The following XXYLT1 variants were observed in gnomAD, a reference collection of about 807,000 sequenced individuals.
The protein encoded by XXYLT1 is UDP-xylose:alpha-xyloside alpha-1,3-xylosyltransferase.
XXYLT1 carries 20 observed loss-of-function variants against 28.9 expected under a neutral mutation model. The ratio of observed to expected loss-of-function variants is 0.69; its 90% CI spans 0.49 to 1.00. The LOEUF (loss-of-function observed/expected upper bound fraction) is 1.00. Ranked by LOEUF, XXYLT1 falls within the 50% of genes least tolerant of loss-of-function variation. The pLI is 0.00. For synonymous variants in XXYLT1, 257 were observed against 253.8 expected, an observed-to-expected ratio of 1.01 and a Z score of -0.12; for missense variants, 542 against 560.1, an observed-to-expected ratio of 0.97 and a Z score of 0.33.
intron 3 of XXYLT1, among the ~76,000 whole-genome samples, chr3:195,146,520 C>T (rs1258887435): frequency 6.6e-6 from 1 of 152,196 alleles, no homozygotes; most frequent in African/African-American, 2.4e-5. Flanking sequence ...TACTGCATAG[C>T]CAAACCCTCG....
At chr3:195,232,039 T>G (rs1724322238) in intron 1 of XXYLT1, among the ~76,000 whole-genome samples, 1 of 152,134 alleles carries the variant, frequency 6.6e-6, no homozygotes, top group Non-Finnish European at 1.5e-5. Context: ...GCTAGGAGAC[T>G]TATTATGGCT....
intron 2 of XXYLT1, among the ~76,000 whole-genome samples, chr3:195,215,822 C>T (rs1189281443): frequency 6.6e-6 from 1 of 152,178 alleles, no homozygotes; most frequent in African/African-American, 2.4e-5. Context: ...CCAAGCGGAC[C>T]TAATAGACAT....
intron 2 of XXYLT1, among the ~76,000 whole-genome samples, chr3:195,222,458 C>A (rs141509104): frequency 6.6e-6 from 1 of 152,276 alleles, no homozygotes; most frequent in Non-Finnish European, 1.5e-5. Flanking sequence ...CTGTGTGAGT[C>A]GACAACCCTG....
rs1275230408 is a variant in XXYLT1, at chr3:195,078,015, G to T, written c.786-7904C>A. On this transcript the variant is annotated intron_variant, in intron 3 of 3. Coordinates refer to ENST00000310380, the MANE Select transcript of XXYLT1 (RefSeq NM_152531.5). This position sits in a 1 kb window ranked among gnomAD's most constrained non-coding sequence, Gnocchi z 5.0. ...AGCCCCGGAGCCTCGGCCCTGGGAG[G>T]GGCAAGGGACAGAGATGAGGGGGAA... Among the ~76,000 whole-genome samples the T allele has an allele frequency of 1.3e-5, 2 of 152,176 alleles. No homozygotes were observed. The highest frequency in any genetic ancestry group is 4.8e-5 in the African/African-American group (2 of 41,460).
At chr3:195,143,524 A>G (rs1470701130) in intron 3 of XXYLT1, among the ~76,000 whole-genome samples, 1 of 152,132 alleles carries the variant, frequency 6.6e-6, no homozygotes, top group Non-Finnish European at 1.5e-5. Context: ...AACAAAACAC[A>G]GAACCATCAG....
intron 3 of XXYLT1, among the ~76,000 whole-genome samples, chr3:195,128,074 G>A (rs9830280): frequency 0.035 from 5,394 of 152,222 alleles, 170 homozygotes; most frequent in East Asian, 0.15. Flanking sequence ...ATGAGGACCT[G>A]TAACCTGCAA....
intron 3 of XXYLT1, among the ~76,000 whole-genome samples, chr3:195,073,148 T>C (rs1714921875): frequency 6.6e-6 from 1 of 152,220 alleles, no homozygotes; most frequent in Admixed American, 6.5e-5. Context: ...CCCTTTGATC[T>C]GACTGCCTCG....
At position 195,190,517 on chromosome 3, in the gene XXYLT1, AAAC is replaced by A. The variant is rs1488151708; in HGVS notation, c.653-33939_653-33937del. The stretch of plus-strand genomic sequence containing the variant: ...TCAAAAAAAAAAAAAAAAAAAAAAA[AAAC>A]TAAATGAAATCCTTCAGGCTGAAAG... On this transcript the variant is annotated intron_variant, in intron 2 of 3. Transcript: ENST00000310380. 3.2e-4 allele frequency among the ~76,000 whole-genome samples: 47 copies of A among 149,068 alleles called. No homozygotes were observed. In the East Asian group the frequency reaches 7.2e-3, roughly 23 times the overall value.
chr3:195,259,029 A>C (rs144098304), intron 1 of XXYLT1, among the ~76,000 whole-genome samples: 234 of 152,314 alleles, frequency 1.5e-3, no homozygotes, highest in African/African-American at 5.4e-3. Flanking sequence ...TTCCGGTACC[A>C]TTATTAGCAG....
rs370261697 is a variant in XXYLT1, at chr3:195,069,962, G to A, written c.935C>T (p.Pro312Leu). 9 of 1,611,436 alleles carry A rather than the reference G, an allele frequency of 5.6e-6. No individual in the cohort carries two copies. The highest frequency in any genetic ancestry group is 3.3e-5 in the South Asian group (3 of 91,062). ...QSPLYSRLLE[P>L]AQVQQLADKY... ...GTCGGCCAGCTGCTGCACCTGCGCC[G>A]GCTCCAGCAGGCGGCTGTAGAGCGG... The change falls in exon 4 of 4, where the codon CCG (proline) becomes CTG (leucine). Residue 312 changes from proline to leucine, a missense_variant. Transcript: ENST00000310380.
At chr3:195,140,630 GGAGAGAGAGTGA>G (rs11276544) in intron 3 of XXYLT1, among the ~76,000 whole-genome samples, 54,105 of 151,148 alleles carry the variant, frequency 0.36, 10,606 homozygotes, top group East Asian at 0.83. Flanking sequence ...CATGGCAGCA[GGAGAGAGAGTGA>G]GAGAGAGAGT....
chr3:195,223,735 G>A (rs1723926736), intron 2 of XXYLT1, among the ~76,000 whole-genome samples: 1 of 152,154 alleles, frequency 6.6e-6, no homozygotes. Flanking sequence ...TGCCAGGCCA[G>A]ACTTCCTGGC....
chr3:195,082,306 G>A (rs59586186), intron 3 of XXYLT1, among the ~76,000 whole-genome samples: 4 of 152,280 alleles, frequency 2.6e-5, no homozygotes, highest in African/African-American at 9.6e-5. Flanking sequence ...AAATAGGGGT[G>A]ATGAGTCTCA....
chr3:195,242,909 C>T (rs1015864004), intron 1 of XXYLT1, among the ~76,000 whole-genome samples: 1 of 152,200 alleles, frequency 6.6e-6, no homozygotes, highest in African/African-American at 2.4e-5. Context: ...AGCTTGCTGG[C>T]CCAGCCCTTC....
Position 195,076,495 on chromosome 3 carries a change from C to T in XXYLT1, c.786-6384G>A, listed in dbSNP as rs1286407453. 1.3e-5 allele frequency among the ~76,000 whole-genome samples: 2 copies of T among 152,146 alleles called. No homozygotes were observed. Among genetic ancestry groups the T allele is most frequent in the Non-Finnish European group, 2.9e-5 (2 of 68,030 alleles). On this transcript the variant is annotated intron_variant, in intron 3 of 3. Transcript: ENST00000310380. The surrounding 1 kb of genome is among the most constrained non-coding windows in gnomAD (Gnocchi z 5.3). ...AAGCCAAGCATTCTGGAGAGTTGCC[C>T]CTGTTACAGCCTGCACAGTGGGCCT...
At chr3:195,083,784 G>A (rs1715570437) in intron 3 of XXYLT1, among the ~76,000 whole-genome samples, 1 of 152,194 alleles carries the variant, frequency 6.6e-6, no homozygotes, top group Non-Finnish European at 1.5e-5. Flanking sequence ...CCAGCACTTT[G>A]GGAGGCCGAG....
At chr3:195,175,976 C>T (rs1577110514) in intron 2 of XXYLT1, 1 of 1,230,696 alleles carries the variant, frequency 8.1e-7, no homozygotes, top group East Asian at 3.4e-5. Context: ...GCCTTACTAA[C>T]ACAGAGGTCA....
Position 195,076,531 on chromosome 3 carries a change from TA to T in XXYLT1, c.786-6421del. On this transcript the variant is annotated intron_variant, in intron 3 of 3. Coordinates refer to ENST00000310380, the MANE Select transcript of XXYLT1 (RefSeq NM_152531.5). This position sits in a 1 kb window ranked among gnomAD's most constrained non-coding sequence, Gnocchi z 5.3. The stretch of plus-strand genomic sequence containing the variant: ...CTGCACAGTGGGCCTCATTTTTACC[TA>T]AAGACCACTGGGCTCTGTTAGTTCG... Among the ~76,000 whole-genome samples, 1 of 152,230 alleles carries T rather than the reference TA, an allele frequency of 6.6e-6. No individual in the cohort carries two copies. The highest frequency in any genetic ancestry group is 1.9e-4 in the East Asian group (1 of 5,160).
At position 195,256,961 on chromosome 3, in the gene XXYLT1, A is replaced by G. The variant is rs1041321037; in HGVS notation, c.504+13594T>C. On this transcript the variant is annotated intron_variant, in intron 1 of 3. Coordinates refer to ENST00000310380, the MANE Select transcript of XXYLT1 (RefSeq NM_152531.5). This position sits in a 1 kb window ranked among gnomAD's most constrained non-coding sequence, Gnocchi z 4.2. ...CCCCTTGTACCTCCCAAGGGCCAGC[A>G]TCAGCATTTCTTCATGGTAATGCAA... Among the ~76,000 whole-genome samples, 2 of 152,190 alleles carry G rather than the reference A, an allele frequency of 1.3e-5. No homozygotes were observed. The highest frequency in any genetic ancestry group is 1.9e-4 in the East Asian group (1 of 5,180).
Sources: allele counts gnomAD v4.1 joint callset (sites outside exome capture counted in the v4.1 genomes callset), GRCh38; gene constraint gnomAD v4.1.1; non-coding constraint Gnocchi (gnomAD v3.1); transcripts MANE v1.5; gene names NCBI Gene and HGNC (gene_info 2026-07-23, HGNC 2026-07-21).